Variants in CBY1 observed in about 807,000 individuals in gnomAD.
CBY1 encodes chibby 1, beta catenin antagonist, also known as protein chibby homolog 1.
In CBY1, 10 loss-of-function variants were observed where a neutral mutation model predicts 15.6. That is an observed-to-expected ratio of 0.64 (90% confidence interval 0.40 to 1.09). The LOEUF is 1.09. Among genes scored for constraint, CBY1 ranks in the 50% least tolerant of loss-of-function variants. The pLI, the probability that CBY1 is intolerant of heterozygous loss-of-function variation, is 0.01. For synonymous variants in CBY1, 61 were observed against 63.5 expected (o/e 0.96, Z 0.19); for missense variants, 150 against 160.5 (o/e 0.93, Z 0.35).
intron 4 of CBY1, among the ~76,000 whole-genome samples, chr22:38,672,422 G>A (rs1214524499): frequency 4.6e-5 from 7 of 151,684 alleles, no homozygotes; most frequent in African/African-American, 1.7e-4. Flanking sequence ...TCTGCCTCCC[G>A]GGTTCAAGTG....
At chr22:38,657,043 A>G in intron 1 of CBY1, 1 of 675,294 alleles carries the variant, frequency 1.5e-6, no homozygotes, top group Non-Finnish European at 1.8e-6. Context: ...GGGGCCGTGC[A>G]TCTGCGTAAC....
At chr22:38,658,962 G>A (rs780385621) in intron 1 of CBY1, among the ~76,000 whole-genome samples, 5 of 151,842 alleles carry the variant, frequency 3.3e-5, no homozygotes, top group Non-Finnish European at 7.4e-5. Context: ...TTGAGATATA[G>A]TCTCACTTTG....
At chr22:38,664,199 C>T (rs1476514336) in intron 1 of CBY1, among the ~76,000 whole-genome samples, 2 of 151,742 alleles carry the variant, frequency 1.3e-5, no homozygotes, top group Non-Finnish European at 2.9e-5. Flanking sequence ...GGGCTGGGCG[C>T]GGTGGCTCAT....
chr22:38,668,404 C>T (rs914767848), intron 2 of CBY1: 7 of 306,992 alleles, frequency 2.3e-5, no homozygotes, highest in African/African-American at 1.6e-4. Flanking sequence ...GAGTCTCACT[C>T]CCGTCCCACA....
chr22:38,672,587 A>T (rs970038929), intron 4 of CBY1, among the ~76,000 whole-genome samples: 1 of 151,840 alleles, frequency 6.6e-6, no homozygotes, highest in Non-Finnish European at 1.5e-5. Flanking sequence ...AAGTGCTGAG[A>T]TTACAGGCAT....
chr22:38,662,028 G>C lies in CBY1; in HGVS notation c.-39+5278G>C, dbSNP rs1005935918. 2.0e-5 allele frequency among the ~76,000 whole-genome samples: 3 copies of C among 152,024 alleles called. No individual in the cohort carries two copies. In the East Asian group the frequency reaches 5.8e-4, roughly 29 times the overall value. ...TAAAATTGAATAATATAGGCCAGGC[G>C]TGGTGGCTCAGGCCTGTAATCCCAG... On this transcript the variant is annotated intron_variant, in intron 1 of 4. Coordinates refer to ENST00000216029, the MANE Select transcript of CBY1 (RefSeq NM_015373.4).
chr22:38,665,399 G>A (rs972720315), intron 1 of CBY1: 68 of 360,182 alleles, frequency 1.9e-4, no homozygotes, highest in African/African-American at 1.3e-3. Context: ...GGGAGGTTGA[G>A]GCTACAGTGA....
In CBY1 at chr22:38,668,093, ACCT is replaced by A; in HGVS notation, c.44_46del (p.Pro15del). 3.1e-6 allele frequency: 5 copies of A among 1,613,362 alleles called. No individual in the cohort carries two copies. The highest frequency in any genetic ancestry group is 4.2e-6 in the Non-Finnish European group (5 of 1,179,530). ...GGAATACGTTCAGTCCGAAGAAGAC[ACCT>A]CCTCGGAAGTCGGCATCTCTCTCCA... On this transcript the variant is annotated inframe_deletion, in exon 2 of 5. Transcript: ENST00000216029.
chr22:38,668,232 G>A, intron 2 of CBY1, 100 bp downstream of exon 2: 1 of 745,704 alleles, frequency 1.3e-6, no homozygotes, highest in Non-Finnish European at 2.5e-6. Context: ...ATCAGTGCAG[G>A]AGGGCATCCT....
intron 2 of CBY1, 43 bp from the exon 3 acceptor site, chr22:38,670,841 G>T: frequency 7.3e-7 from 1 of 1,369,604 alleles, no homozygotes; most frequent in Non-Finnish European, 1.0e-6. Context: ...ATGAAGGCGT[G>T]TTCCGGGCCT....
chr22:38,667,804 A>G, intron 1 of CBY1: 1 of 508,532 alleles, frequency 2.0e-6, no homozygotes, highest in Non-Finnish European at 3.5e-6. Flanking sequence ...GCATTAATCC[A>G]TTCATGAGAG....
chr22:38,661,681 T>G (rs1301236725), intron 1 of CBY1, among the ~76,000 whole-genome samples: 2 of 152,328 alleles, frequency 1.3e-5, no homozygotes, highest in South Asian at 4.1e-4. Flanking sequence ...TTTTTCCTGT[T>G]CTCATTGGAT....
At chr22:38,666,621 A>G (rs1190657713) in intron 1 of CBY1, 1 of 152,222 alleles carries the variant, frequency 6.6e-6, no homozygotes, top group Non-Finnish European at 1.5e-5. Context: ...ACTGTTGACA[A>G]GTGACACTGG....
chr22:38,668,069 G>A lies in CBY1; in HGVS notation c.15G>A (p.Gly5=). 1 of 1,613,982 alleles carries A rather than the reference G, an allele frequency of 6.2e-7. No individual in the cohort carries two copies. Among genetic ancestry groups the A allele is most frequent in the South Asian group, 1.1e-5 (1 of 91,074 alleles). MPFF[G]NTFSPKKTPP... The stretch of plus-strand genomic sequence containing the variant: ...TCAGGCCAAAGATGCCTTTCTTTGG[G>A]AATACGTTCAGTCCGAAGAAGACAC... The change falls in exon 2 of 5, where the codon GGG becomes GGA. Residue 5 remains glycine (G), a synonymous_variant. Coordinates refer to ENST00000216029, the MANE Select transcript of CBY1 (RefSeq NM_015373.4).
chr22:38,661,637 A>C (rs2092422609), intron 1 of CBY1, among the ~76,000 whole-genome samples: 1 of 152,146 alleles, frequency 6.6e-6, no homozygotes, highest in Non-Finnish European at 1.5e-5. Context: ...TAGTGAGATC[A>C]ATTTCTCCCT....
chr22:38,670,680 A>G (rs1397560289), intron 2 of CBY1: 2 of 527,526 alleles, frequency 3.8e-6, no homozygotes, highest in Non-Finnish European at 6.8e-6. Context: ...GAAAACATCT[A>G]ATGTATAAAA....
intron 1 of CBY1, among the ~76,000 whole-genome samples, chr22:38,667,020 T>TA (rs1569255270): frequency 5.3e-5 from 8 of 151,166 alleles, no homozygotes; most frequent in Non-Finnish European, 1.0e-4. Flanking sequence ...CTTTATTTTT[T>TA]TTTTTTTAGA....
At chr22:38,665,735 GT>G in intron 1 of CBY1, 1 of 1,228,838 alleles carries the variant, frequency 8.1e-7, no homozygotes, top group Non-Finnish European at 1.0e-6. Context: ...CTGGAGGGTG[GT>G]TTTAAAAAAA....
chr22:38,670,938 A>G lies in CBY1; in HGVS notation c.133A>G (p.Met45Val), dbSNP rs1380140739. The stretch of plus-strand genomic sequence containing the variant: ...GGGCTTGGAATACGGATCCCCGACT[A>G]TGAACCTGGCAGGGCAAAGCCTGAA... ...ELGLEYGSPTMNLAGQSLKFE... is the reference protein window; with the variant it reads ...ELGLEYGSPTVNLAGQSLKFE... The change falls in exon 3 of 5, where the codon ATG becomes GTG. Residue 45 changes from methionine to valine, a missense_variant. By Grantham distance (21) the Met-to-Val change is conservative. Transcript: ENST00000216029. The G allele has an allele frequency of 6.2e-7, 1 of 1,614,124 alleles. No individual in the cohort carries two copies. Among genetic ancestry groups the G allele is most frequent in the East Asian group, 2.2e-5 (1 of 44,894 alleles).
Sources: allele counts gnomAD v4.1 joint callset (sites outside exome capture counted in the v4.1 genomes callset), GRCh38; gene constraint gnomAD v4.1.1; transcripts MANE v1.5; gene names NCBI Gene and HGNC (gene_info 2026-07-23, HGNC 2026-07-21).